The following MAP3K3 variants were observed in gnomAD, a reference collection of about 807,000 sequenced individuals.
MAP3K3 encodes the protein MAP/ERK kinase kinase 3.
Under a neutral mutation model 80.9 loss-of-function variants are expected in MAP3K3, and 12 were observed. That is an observed-to-expected ratio of 0.15 (90% CI 0.10 to 0.24). MAP3K3 has a LOEUF of 0.24. MAP3K3 is among the 10% of genes least tolerant of loss of function. MAP3K3 has a pLI of 1.00. For missense variants in MAP3K3, 596 were observed against 834.7 expected (o/e 0.71, Z 3.52); for synonymous variants, 272 against 307.1 (o/e 0.89, Z 1.19).
At chr17:63,652,769 A>G in intron 4 of MAP3K3, 113 bp downstream of exon 4, 1 of 657,844 alleles carries the variant, frequency 1.5e-6, no homozygotes, top group Non-Finnish European at 2.6e-6. Flanking sequence ...GCAGGTTTTC[A>G]TTTTCTAGAC....
chr17:63,690,501 A>T, intron 12 of MAP3K3, 89 bp downstream of exon 12: 1 of 1,410,114 alleles, frequency 7.1e-7, no homozygotes, highest in Non-Finnish European at 9.8e-7. Context: ...GAGATGCTGT[A>T]GGTTGCTTCC....
intron 5 of MAP3K3, among the ~76,000 whole-genome samples, chr17:63,662,467 C>G (rs1330797259): frequency 6.6e-6 from 1 of 151,788 alleles, no homozygotes; most frequent in Non-Finnish European, 1.5e-5. Flanking sequence ...TTTTATCTTT[C>G]ACTTGATTTT....
At chr17:63,672,048 C>T (rs573119382) in intron 6 of MAP3K3, among the ~76,000 whole-genome samples, 8 of 151,550 alleles carry the variant, frequency 5.3e-5, no homozygotes, top group South Asian at 2.1e-4. Context: ...TTTGGGAGGC[C>T]GAGATGGGTG....
intron 3 of MAP3K3, among the ~76,000 whole-genome samples, chr17:63,652,352 T>C (rs1342144365): frequency 6.6e-6 from 1 of 152,130 alleles, no homozygotes; most frequent in African/African-American, 2.4e-5. Flanking sequence ...TTGTGGGTAC[T>C]GTTGTCAAAC....
At chr17:63,681,154 A>G (rs922977949) in intron 6 of MAP3K3, among the ~76,000 whole-genome samples, 9 of 151,324 alleles carry the variant, frequency 5.9e-5, no homozygotes, top group Middle Eastern at 3.2e-3. Context: ...CTCATAAGCC[A>G]GGAAGTGTGG....
chr17:63,662,858 G>A (rs114405615), intron 5 of MAP3K3, among the ~76,000 whole-genome samples: 3,304 of 151,438 alleles, frequency 0.022, 123 homozygotes, highest in African/African-American at 0.076. Context: ...GGGTTGGGCG[G>A]GGGGCGGTCC....
At position 63,693,518 on chromosome 17, in the gene MAP3K3, T is replaced by C; in HGVS notation, c.1653-31T>C. Reference sequence around the variant, plus strand: ...GGACAGCTGGGAGTCCAGGGCTGGCTGAGGGGTGACACGGGGTTCTCTCTT... The same window carrying C: ...GGACAGCTGGGAGTCCAGGGCTGGCCGAGGGGTGACACGGGGTTCTCTCTT... On this transcript the variant is annotated intron_variant, in intron 15 of 15. Coordinates refer to ENST00000361733, the MANE Select transcript of MAP3K3 (RefSeq NM_002401.5). The surrounding 1 kb of genome is among the most constrained non-coding windows in gnomAD (Gnocchi z 4.2). 6.3e-7 allele frequency: 1 copy of C among 1,577,422 alleles called. No homozygotes were observed. Among genetic ancestry groups the C allele is most frequent in the Non-Finnish European group, 8.6e-7 (1 of 1,159,100 alleles).
intron 6 of MAP3K3, 121 bp downstream of exon 6, chr17:63,667,181 TAATC>T: frequency 9.1e-7 from 1 of 1,094,566 alleles, no homozygotes; most frequent in Admixed American, 3.2e-5. Flanking sequence ...CTGTGTAGAG[TAATC>T]CTTTATGCCT....
intron 8 of MAP3K3, 124 bp downstream of exon 8, chr17:63,685,714 C>A: frequency 1.4e-6 from 1 of 737,400 alleles, no homozygotes; most frequent in South Asian, 1.5e-5. Flanking sequence ...AAAGCCTTCT[C>A]CTTAATTTCC....
intron 2 of MAP3K3, among the ~76,000 whole-genome samples, chr17:63,638,482 G>A (rs1396778387): frequency 6.6e-6 from 1 of 152,164 alleles, no homozygotes; most frequent in Non-Finnish European, 1.5e-5. Context: ...GTTGAGTCCA[G>A]ACTTTGAGAA....
intron 2 of MAP3K3, chr17:63,634,892 G>C: frequency 8.8e-7 from 1 of 1,137,732 alleles, no homozygotes; most frequent in African/African-American, 1.6e-5. Flanking sequence ...CAGACAAGTT[G>C]TTTTAGTGGA....
intron 5 of MAP3K3, among the ~76,000 whole-genome samples, chr17:63,659,601 C>T (rs971432562): frequency 1.4e-5 from 2 of 140,178 alleles, no homozygotes; most frequent in Admixed American, 7.7e-5. Context: ...GGCGTGATCT[C>T]GGCTCACTGC....
In MAP3K3 at chr17:63,693,589, C is replaced by A; in HGVS notation, c.1693C>A (p.Pro565Thr). The change falls in exon 16 of 16, where the codon CCA becomes ACA. Residue 565 changes from proline to threonine, a missense_variant. Pro to Thr is a conservative substitution (Grantham distance 38). Transcript: ENST00000361733. The surrounding 1 kb of genome is among the most constrained non-coding windows in gnomAD (Gnocchi z 4.2). Reference protein sequence around the residue: ...CTVVEMLTEKPPWAEYEAMAA... With the variant: ...CTVVEMLTEKTPWAEYEAMAA... ...TGTGGTGGAGATGCTGACAGAGAAACCACCGTGGGCAGAGTATGAAGCTAT... is the reference window on the plus strand; with the variant it reads ...TGTGGTGGAGATGCTGACAGAGAAAACACCGTGGGCAGAGTATGAAGCTAT... The A allele has an allele frequency of 6.2e-7, 1 of 1,607,330 alleles. No individual in the cohort carries two copies. The highest frequency in any genetic ancestry group is 8.5e-7 in the Non-Finnish European group (1 of 1,176,638).
intron 5 of MAP3K3, among the ~76,000 whole-genome samples, chr17:63,662,658 T>TA (rs1598093589): frequency 7.5e-6 from 1 of 133,706 alleles, no homozygotes; most frequent in East Asian, 2.1e-4. Context: ...GAATTTTTTT[T>TA]TTTTTTTTTT....
At chr17:63,640,558 A>G (rs907874893) in intron 2 of MAP3K3, among the ~76,000 whole-genome samples, 6 of 152,238 alleles carry the variant, frequency 3.9e-5, no homozygotes, top group African/African-American at 1.4e-4. Context: ...TTTGGCAACC[A>G]GACCTGTCCT....
At chr17:63,639,442 A>G (rs889572293) in intron 2 of MAP3K3, among the ~76,000 whole-genome samples, 1 of 152,240 alleles carries the variant, frequency 6.6e-6, no homozygotes. Context: ...GAATGAGCCT[A>G]AATCCCAGAG....
At chr17:63,638,009 C>T (rs1306084755) in intron 2 of MAP3K3, among the ~76,000 whole-genome samples, 1 of 152,180 alleles carries the variant, frequency 6.6e-6, no homozygotes, top group Non-Finnish European at 1.5e-5. Flanking sequence ...AGCAGACTGT[C>T]TTTTGCTTTC....
chr17:63,637,032 G>A (rs947245409), intron 2 of MAP3K3: 2 of 550,818 alleles, frequency 3.6e-6, no homozygotes, highest in African/African-American at 2.0e-5. Flanking sequence ...GACAAGGTGG[G>A]GACAAACTTT....
chr17:63,645,192 C>T (rs1311897147), intron 2 of MAP3K3, among the ~76,000 whole-genome samples: 1 of 152,192 alleles, frequency 6.6e-6, no homozygotes, highest in Non-Finnish European at 1.5e-5. Context: ...ACATGATAGA[C>T]CTCGGGAGGC....
Sources: allele counts gnomAD v4.1 joint callset (sites outside exome capture counted in the v4.1 genomes callset), GRCh38; gene constraint gnomAD v4.1.1; non-coding constraint Gnocchi (gnomAD v3.1); transcripts MANE v1.5; gene names NCBI Gene and HGNC (gene_info 2026-07-23, HGNC 2026-07-21).